The following SPAST variants were observed in gnomAD, a reference collection of about 807,000 sequenced individuals.
SPAST encodes spastin, also known as spastic paraplegia 4 (autosomal dominant; spastin).
Under a neutral mutation model 76.6 loss-of-function variants are expected in SPAST, and 30 were observed. The ratio of observed to expected loss-of-function variants is 0.39; its 90% CI spans 0.29 to 0.53. The LOEUF is 0.53. Among genes scored for constraint, SPAST ranks in the 20% least tolerant of loss-of-function variants. SPAST has a pLI of 0.68. For missense variants in SPAST, 717 were observed against 770.5 expected (o/e 0.93, Z 0.82); for synonymous variants, 305 against 281.0 (o/e 1.09, Z -0.86).
chr2:32,095,587 T>A (rs80155360), intron 3 of SPAST, among the ~76,000 whole-genome samples: 3 of 145,820 alleles, frequency 2.1e-5, no homozygotes, highest in Non-Finnish European at 3.0e-5. Context: ...AAAAAAAAAA[T>A]AGCCAGGAGT....
At chr2:32,139,831 CA>C (rs1679658165) in intron 12 of SPAST, among the ~76,000 whole-genome samples, 1 of 132,732 alleles carries the variant, frequency 7.5e-6, no homozygotes, top group Non-Finnish European at 1.6e-5. Context: ...AATCCGTTTC[CA>C]AAATTAAAAA....
Position 32,063,845 on chromosome 2 carries a change from G to A in SPAST, c.14G>A (p.Gly5Asp), listed in dbSNP as rs1356764866. ...TGAGAGCTGTGAATGAATTCTCCGGGTGGACGAGGGAAGAAGAAAGGCTCC... is the reference window on the plus strand; with the variant it reads ...TGAGAGCTGTGAATGAATTCTCCGGATGGACGAGGGAAGAAGAAAGGCTCC... MNSPGGRGKKKGSGG... is the reference protein window; with the variant it reads MNSPDGRGKKKGSGG... The change falls in exon 1 of 17, where the codon GGT (glycine) becomes GAT (aspartate). Residue 5 changes from glycine (G) to aspartate (D), a missense_variant. Transcript: ENST00000315285. 6.3e-7 allele frequency: 1 copy of A among 1,578,904 alleles called. No homozygotes were observed. Among genetic ancestry groups the A allele is most frequent in the Non-Finnish European group, 8.5e-7 (1 of 1,169,704 alleles).
At chr2:32,074,014 G>T (rs908224297) in intron 1 of SPAST, among the ~76,000 whole-genome samples, 2 of 152,144 alleles carry the variant, frequency 1.3e-5, no homozygotes, top group Admixed American at 6.6e-5. Flanking sequence ...AGCAAGTGGG[G>T]TTTATTACCC....
At position 32,114,818 on chromosome 2, in the gene SPAST, C is replaced by T. The variant is rs148680726; in HGVS notation, c.863C>T (p.Thr288Ile). 10 of 1,613,428 alleles carry T rather than the reference C, an allele frequency of 6.2e-6. No homozygotes were observed. The highest frequency in any genetic ancestry group is 2.7e-5 in the African/African-American group (2 of 74,908). ...VKQGSGPAPT[T>I]HKGTPKTNRT... ...CAGGGATCTGGTCCTGCTCCTACCA[C>T]TCATAAGGTATTCTGGGACAGTAAC... The change falls in exon 5 of 17, where the codon ACT (threonine) becomes ATT (isoleucine). Residue 288 changes from threonine (T) to isoleucine (I), a missense_variant. Thr to Ile is a moderately conservative substitution (Grantham distance 89). Around this residue, in one of 3 missense-constraint regions of SPAST, gnomAD observed 543 missense variants for 445.2 expected, o/e 1.22. Coordinates refer to ENST00000315285, the MANE Select transcript of SPAST (RefSeq NM_014946.4).
At chr2:32,121,500 A>C (rs1306147822) in intron 7 of SPAST, among the ~76,000 whole-genome samples, 1 of 147,702 alleles carries the variant, frequency 6.8e-6, no homozygotes, top group African/African-American at 2.5e-5. Flanking sequence ...ATAATTCTTT[A>C]ATTTAAAAAA....
rs143003434 is a variant in SPAST at position 32,098,840 on chromosome 2, G to A, written c.631G>A (p.Val211Ile). 37 of 1,613,622 alleles carry A rather than the reference G, an allele frequency of 2.3e-5. 1 individual carries two copies. In the South Asian group the frequency reaches 2.3e-4, roughly 10 times the overall value. The change falls in exon 4 of 17, where the codon GTC becomes ATC. Residue 211 changes from valine to isoleucine, a missense_variant. Around this residue, in one of 3 missense-constraint regions of SPAST, gnomAD observed 543 missense variants for 445.2 expected, o/e 1.22. Coordinates refer to ENST00000315285, the MANE Select transcript of SPAST (RefSeq NM_014946.4). ...VLPFSKSQTD[V>I]YNDSTNLACR... is the part of the protein sequence containing the mutation. ...GCCATTTTCCAAGTCACAAACGGAC[G>A]TCTATAATGACAGTACTAACTTGGC...
intron 4 of SPAST, among the ~76,000 whole-genome samples, chr2:32,105,730 A>G (rs1401065490): frequency 3.3e-5 from 5 of 152,218 alleles, no homozygotes; most frequent in African/African-American, 1.2e-4. Flanking sequence ...GGTCCACTCC[A>G]GACCCTGTTT....
At position 32,114,685 on chromosome 2, in the gene SPAST, A is replaced by G; in HGVS notation, c.730A>G (p.Asn244Asp). The change falls in exon 5 of 17, where the codon AAT (asparagine) becomes GAT (aspartate). Residue 244 changes from asparagine (N) to aspartate (D), a missense_variant. Around this residue, in one of 3 missense-constraint regions of SPAST, gnomAD observed 543 missense variants for 445.2 expected, o/e 1.22. Transcript: ENST00000315285. Reference protein sequence around the residue: ...KRKDPLTHTSNSLPRSKTVMK... With the variant: ...KRKDPLTHTSDSLPRSKTVMK... ...AAAAGACCCCTTAACACACACTAGT[A>G]ATTCACTGCCTCGTTCAAAAACAGT... 6.2e-7 allele frequency: 1 copy of G among 1,614,170 alleles called. No homozygotes were observed. Among genetic ancestry groups the G allele is most frequent in the African/African-American group, 1.3e-5 (1 of 75,054 alleles).
intron 16 of SPAST, among the ~76,000 whole-genome samples, chr2:32,147,521 T>G (rs1390284904): frequency 6.6e-6 from 1 of 152,036 alleles, no homozygotes; most frequent in Non-Finnish European, 1.5e-5. Context: ...TTCACCATGT[T>G]GGCCAGTCTG....
At chr2:32,120,860 A>G (rs546986120) in intron 7 of SPAST, among the ~76,000 whole-genome samples, 2 of 152,288 alleles carry the variant, frequency 1.3e-5, no homozygotes, top group South Asian at 4.1e-4. Context: ...TAGTTTTGAA[A>G]ATATCTTTAT....
rs375850129 is a variant in SPAST at position 32,089,218 on chromosome 2, T to TTTTTTTTTTTTTTTTTTTC, written c.503-304_503-303insTTTTTTTTTTTTTTTTTTC. On this transcript the variant is annotated intron_variant, in intron 2 of 16. Transcript: ENST00000315285. ...CGGCTAATTTTTTTTTTTTTTTTTT[T>TTTTTTTTTTTTTTTTTTTC]AAGTAGAGACCAGATCTCTTTATGT... 4.9e-4 allele frequency among the ~76,000 whole-genome samples: 64 copies of TTTTTTTTTTTTTTTTTTTC among 129,988 alleles called. 2 individuals are homozygous for TTTTTTTTTTTTTTTTTTTC. The highest frequency in any genetic ancestry group is 8.9e-4 in the Non-Finnish European group (55 of 61,782). The allele number at this position is 129,988 out of a possible 152,430, so 85.3% of individuals were successfully genotyped here.
intron 4 of SPAST, among the ~76,000 whole-genome samples, chr2:32,110,808 C>CTA (rs1306708004): frequency 1.6e-4 from 20 of 124,372 alleles, no homozygotes; most frequent in Non-Finnish European, 2.2e-4. Flanking sequence ...ACATAGTATA[C>CTA]TATATAGTAT....
At chr2:32,137,261 A>G (rs941792204) in intron 12 of SPAST, 73 bp downstream of exon 12, 1 of 1,148,992 alleles carries the variant, frequency 8.7e-7, no homozygotes, top group Non-Finnish European at 1.3e-6. Context: ...CTTACATATT[A>G]TTTCCTTACT....
intron 7 of SPAST, among the ~76,000 whole-genome samples, chr2:32,118,363 G>C (rs1678912475): frequency 6.6e-6 from 1 of 152,034 alleles, no homozygotes; most frequent in Admixed American, 6.6e-5. Flanking sequence ...TAAAATCACT[G>C]GTCTGATATG....
chr2:32,068,432 C>G (rs1196199213), intron 1 of SPAST, among the ~76,000 whole-genome samples: 2 of 151,920 alleles, frequency 1.3e-5, no homozygotes, highest in African/African-American at 4.8e-5. Flanking sequence ...AGCGATTCTC[C>G]TGCCTCAGCC....
chr2:32,067,984 T>C (rs1484343455), intron 1 of SPAST, among the ~76,000 whole-genome samples: 1 of 149,966 alleles, frequency 6.7e-6, no homozygotes, highest in Non-Finnish European at 1.5e-5. Context: ...CTCTTTTCTT[T>C]TTTTTTTTTT....
At chr2:32,083,746 TA>T (rs1558620050) in intron 1 of SPAST, among the ~76,000 whole-genome samples, 19 of 59,564 alleles carry the variant, frequency 3.2e-4, no homozygotes, top group African/African-American at 1.0e-3. Flanking sequence ...TATATTTATA[TA>T]TACTATATAT....
Position 32,154,636 on chromosome 2 carries a change from G to A in SPAST, c.*140G>A, listed in dbSNP as rs1242661996. The stretch of plus-strand genomic sequence containing the variant: ...TACATATTTGTGCACCAAACTTGAA[G>A]ATGAACCAGAAAACAGACTTAAACA... On this transcript the variant is annotated 3_prime_UTR_variant, in exon 17 of 17. Coordinates refer to ENST00000315285, the MANE Select transcript of SPAST (RefSeq NM_014946.4). 1 of 846,352 alleles carries A rather than the reference G, an allele frequency of 1.2e-6. No individual in the cohort carries two copies. The highest frequency in any genetic ancestry group is 1.9e-6 in the Non-Finnish European group (1 of 529,234). The allele number at this position is 846,352 out of a possible 1,614,324, so 52.4% of individuals were successfully genotyped here.
intron 1 of SPAST, among the ~76,000 whole-genome samples, chr2:32,077,603 A>G (rs988744399): frequency 6.6e-6 from 1 of 152,164 alleles, no homozygotes; most frequent in Non-Finnish European, 1.5e-5. Context: ...TTGCTATTAA[A>G]TGGTGGAACA....
Sources: gnomAD v4.1 joint callset for allele counts (sites outside exome capture counted in the v4.1 genomes callset) on GRCh38, gnomAD v4.1.1 for gene constraint, gnomAD v4.1.1 regional missense constraint, MANE v1.5 for transcripts, NCBI Gene and HGNC (gene_info 2026-07-23, HGNC 2026-07-21) for gene names.